COL8A1: variants seen among roughly 807,000 people sequenced by gnomAD.
COL8A1 encodes the protein collagen type VIII alpha 1 chain.
In COL8A1, 21 loss-of-function variants were observed where a neutral mutation model predicts 42.7. That is an observed-to-expected ratio of 0.49 (90% CI 0.35 to 0.71). COL8A1 has a LOEUF of 0.71. COL8A1 is among the 30% of genes least tolerant of loss of function. The pLI is 0.01. For synonymous variants in COL8A1, 367 were observed against 369.1 expected, an observed-to-expected ratio of 0.99 and a Z score of 0.06; for missense variants, 788 against 962.4, an observed-to-expected ratio of 0.82 and a Z score of 2.40.
intron 1 of COL8A1, among the ~76,000 whole-genome samples, chr3:99,739,512 C>T (rs1241377849): frequency 2.6e-5 from 4 of 152,226 alleles, no homozygotes; most frequent in Admixed American, 2.6e-4. Flanking sequence ...TTGCATACAT[C>T]CTTCAAAATC....
chr3:99,789,432 T>C (rs944609324), intron 2 of COL8A1, among the ~76,000 whole-genome samples: 1 of 152,160 alleles, frequency 6.6e-6, no homozygotes, highest in Non-Finnish European at 1.5e-5. Context: ...AGATTCAAAT[T>C]TTCATTAAGT....
intron 1 of COL8A1, among the ~76,000 whole-genome samples, chr3:99,705,410 G>A (rs1939653484): frequency 1.3e-5 from 2 of 152,096 alleles, no homozygotes; most frequent in Non-Finnish European, 2.9e-5. Context: ...AAATAGAAAG[G>A]TTATTTGTAT....
At chr3:99,657,130 G>C (rs891918014) in intron 1 of COL8A1, among the ~76,000 whole-genome samples, 1 of 152,174 alleles carries the variant, frequency 6.6e-6, no homozygotes, top group Non-Finnish European at 1.5e-5. Context: ...CCTTTTATGG[G>C]AGGAAAAGAT....
At chr3:99,789,503 G>A (rs1260130252) in intron 2 of COL8A1, among the ~76,000 whole-genome samples, 3 of 152,160 alleles carry the variant, frequency 2.0e-5, no homozygotes, top group African/African-American at 7.2e-5. Flanking sequence ...ACAGAGGGCA[G>A]GGAGTGGGCA....
At chr3:99,643,995 T>A (rs971219836) in intron 1 of COL8A1, among the ~76,000 whole-genome samples, 1 of 152,088 alleles carries the variant, frequency 6.6e-6, no homozygotes, top group Non-Finnish European at 1.5e-5. Context: ...AGATTTGTTG[T>A]AACAGAGGGG....
At chr3:99,768,841 T>C (rs1478011029) in intron 2 of COL8A1, among the ~76,000 whole-genome samples, 1 of 152,216 alleles carries the variant, frequency 6.6e-6, no homozygotes, top group Non-Finnish European at 1.5e-5. Flanking sequence ...GACAATGGTC[T>C]CCATTAGAGA....
intron 1 of COL8A1, among the ~76,000 whole-genome samples, 175 bp downstream of exon 1, chr3:99,638,839 T>C (rs931596126): frequency 3.9e-5 from 6 of 152,180 alleles, no homozygotes; most frequent in African/African-American, 1.4e-4. Context: ...AATGGTAAAA[T>C]AAAAGCTCCT....
At position 99,790,709 on chromosome 3, in the gene COL8A1, G is replaced by C. The variant is rs375798117; in HGVS notation, c.27G>C (p.Gln9His). MAVLPGPLQLLGVLLTISL... is the reference protein window; with the variant it reads MAVLPGPLHLLGVLLTISL... ...TGGCTGTGCTGCCTGGCCCTCTGCAGCTGCTGGGAGTGCTGCTTACCATTT... is the reference window on the plus strand; with the variant it reads ...TGGCTGTGCTGCCTGGCCCTCTGCACCTGCTGGGAGTGCTGCTTACCATTT... Residue 9 changes from glutamine to histidine, a missense_variant, in exon 3 of 4, where the codon CAG becomes CAC. Physicochemically the swap from Gln to His is conservative, Grantham distance 24. Coordinates refer to ENST00000652472, the MANE Select transcript of COL8A1 (RefSeq NM_020351.4). 2 of 1,614,150 alleles carry C rather than the reference G, an allele frequency of 1.2e-6. No individual in the cohort carries two copies. Among genetic ancestry groups the C allele is most frequent in the Non-Finnish European group, 1.7e-6 (2 of 1,180,026 alleles).
intron 1 of COL8A1, among the ~76,000 whole-genome samples, chr3:99,643,770 G>A (rs777723872): frequency 1.3e-5 from 2 of 152,098 alleles, no homozygotes; most frequent in African/African-American, 4.8e-5. Flanking sequence ...TTTACAGGAG[G>A]CTTAAGATCT....
intron 1 of COL8A1, among the ~76,000 whole-genome samples, chr3:99,690,697 TCATAATGTTCCA>T (rs1458853824): frequency 1.3e-5 from 2 of 152,202 alleles, no homozygotes; most frequent in East Asian, 3.8e-4. Context: ...TTATCTTAAC[TCATAATGTTCCA>T]CAGAATGTGG....
intron 2 of COL8A1, among the ~76,000 whole-genome samples, chr3:99,748,315 T>A (rs1236359599): frequency 6.6e-6 from 1 of 152,200 alleles, no homozygotes; most frequent in East Asian, 1.9e-4. Context: ...GTACTGAGCA[T>A]ATGAAATGTG....
chr3:99,783,033 T>C (rs1941824348), intron 2 of COL8A1, among the ~76,000 whole-genome samples: 2 of 152,182 alleles, frequency 1.3e-5, no homozygotes, highest in African/African-American at 4.8e-5. Context: ...AAACTTCAAA[T>C]ACGTGAGCTA....
intron 1 of COL8A1, among the ~76,000 whole-genome samples, chr3:99,696,402 G>A (rs967126755): frequency 7.9e-5 from 12 of 152,152 alleles, no homozygotes; most frequent in Non-Finnish European, 7.4e-5. Flanking sequence ...GGATCTGCTA[G>A]GGGCCCCTAC....
intron 1 of COL8A1, among the ~76,000 whole-genome samples, chr3:99,735,688 C>T (rs1940685826): frequency 6.7e-6 from 1 of 150,360 alleles, no homozygotes; most frequent in African/African-American, 2.4e-5. Flanking sequence ...GGAGGATTCC[C>T]TCTTTTTCTA....
chr3:99,724,905 T>C (rs183915529), intron 1 of COL8A1, among the ~76,000 whole-genome samples: 4 of 152,196 alleles, frequency 2.6e-5, no homozygotes, highest in African/African-American at 7.2e-5. Context: ...TCATATAATA[T>C]ATTTGGAGGT....
intron 2 of COL8A1, among the ~76,000 whole-genome samples, chr3:99,752,201 A>C (rs1941164316): frequency 6.6e-6 from 1 of 152,172 alleles, no homozygotes; most frequent in Non-Finnish European, 1.5e-5. Context: ...ACTTGGTTTT[A>C]AGGAAACTAG....
At chr3:99,725,993 A>G (rs897465941) in intron 1 of COL8A1, among the ~76,000 whole-genome samples, 1 of 152,078 alleles carries the variant, frequency 6.6e-6, no homozygotes, top group Non-Finnish European at 1.5e-5. Flanking sequence ...TCGCCACACT[A>G]ACTTCCACAG....
intron 1 of COL8A1, among the ~76,000 whole-genome samples, chr3:99,650,861 G>T (rs529746328): frequency 6.6e-6 from 1 of 152,118 alleles, no homozygotes; most frequent in South Asian, 2.1e-4. Flanking sequence ...CTATGGTTTA[G>T]GTCCCTTGGT....
chr3:99,687,653 G>A (rs1370829795), intron 1 of COL8A1, among the ~76,000 whole-genome samples: 2 of 152,136 alleles, frequency 1.3e-5, no homozygotes, highest in African/African-American at 2.4e-5. Flanking sequence ...ATACAGACCA[G>A]GGAAAACTGA....
Sources: allele counts gnomAD v4.1 joint callset (sites outside exome capture counted in the v4.1 genomes callset), GRCh38; gene constraint gnomAD v4.1.1; transcripts MANE v1.5; gene names NCBI Gene and HGNC (gene_info 2026-07-23, HGNC 2026-07-21).